DNAH11: variants seen among roughly 807,000 people sequenced by gnomAD.
DNAH11 encodes the protein dynein axonemal heavy chain 11, also known as axonemal beta dynein heavy chain 11.
A neutral mutation model predicts 526.0 loss-of-function variants in DNAH11; 442 were observed. The ratio of observed to expected loss-of-function variants is 0.84; its 90% CI spans 0.78 to 0.91. The LOEUF is 0.91. DNAH11 is among the 40% of genes least tolerant of loss of function. The pLI, the probability that DNAH11 is intolerant of heterozygous loss-of-function variation, is 0.00. For missense variants in DNAH11, 6,989 were observed against 5,448.7 expected, an observed-to-expected ratio of 1.28 and a Z score of -8.90; for synonymous variants, 2,461 against 1,935.9, an observed-to-expected ratio of 1.27 and a Z score of -7.12.
At chr7:21,553,059 G>C (rs1428026226) in intron 2 of DNAH11, among the ~76,000 whole-genome samples, 1 of 134,736 alleles carries the variant, frequency 7.4e-6, no homozygotes, top group Non-Finnish European at 1.5e-5. Context: ...TCTCCCTTCA[G>C]TATAAATGGG....
chr7:21,609,271 A>C (rs984372219), intron 20 of DNAH11, among the ~76,000 whole-genome samples: 1 of 151,970 alleles, frequency 6.6e-6, no homozygotes, highest in Non-Finnish European at 1.5e-5. Context: ...GCTGGAGTAC[A>C]GTGGCATGAT....
chr7:21,767,552 A>G (rs1441739817), intron 55 of DNAH11, among the ~76,000 whole-genome samples: 1 of 152,190 alleles, frequency 6.6e-6, no homozygotes, highest in African/African-American at 2.4e-5. Context: ...AACGCCTCCT[A>G]TAGGATGCTG....
rs1783444741 is a variant in DNAH11 at position 21,561,147 on chromosome 7, A to G, written c.959A>G (p.Asp320Gly). Residue 320 changes from aspartate to glycine, a missense_variant, in exon 5 of 82, where the codon GAC (aspartate) becomes GGC (glycine). By Grantham distance (94) the Asp-to-Gly change is moderately conservative. Transcript: ENST00000409508. ...AGCAGCTATTTTCCTACTCTGAAGGACATTTTTCTGGCTGTGGAAAATGGT... is the reference window on the plus strand; with the variant it reads ...AGCAGCTATTTTCCTACTCTGAAGGGCATTTTTCTGGCTGTGGAAAATGGT... Reference protein sequence around the residue: ...KQSSYFPTLKDIFLAVENALL... With the variant: ...KQSSYFPTLKGIFLAVENALL... 1.3e-6 allele frequency: 2 copies of G among 1,596,790 alleles called. No homozygotes were observed. The highest frequency in any genetic ancestry group is 2.7e-5 in the African/African-American group (2 of 74,674).
At chr7:21,657,851 T>C (rs1782082993) in intron 29 of DNAH11, among the ~76,000 whole-genome samples, 1 of 152,152 alleles carries the variant, frequency 6.6e-6, no homozygotes, top group Non-Finnish European at 1.5e-5. Context: ...GAGGAGGTTG[T>C]CCACTCATTA....
At chr7:21,777,088 A>G (rs1297391483) in intron 56 of DNAH11, among the ~76,000 whole-genome samples, 1 of 151,738 alleles carries the variant, frequency 6.6e-6, no homozygotes, top group Non-Finnish European at 1.5e-5. Flanking sequence ...GTTACCCCCC[A>G]CTTCTTCCCC....
chr7:21,640,322 G>A (rs1787066363), intron 28 of DNAH11, among the ~76,000 whole-genome samples: 1 of 152,118 alleles, frequency 6.6e-6, no homozygotes, highest in Admixed American at 6.5e-5. Context: ...AAGCCCCTGA[G>A]GGCATCCTCA....
intron 79 of DNAH11, 120 bp downstream of exon 79, chr7:21,895,119 A>G (rs1011262005): frequency 5.0e-6 from 4 of 801,276 alleles, no homozygotes; most frequent in Non-Finnish European, 7.8e-6. Context: ...TCAACCTGTA[A>G]CCGTAAAAAA....
chr7:21,562,272 T>G (rs1467052252), intron 5 of DNAH11, among the ~76,000 whole-genome samples: 1 of 152,192 alleles, frequency 6.6e-6, no homozygotes, highest in Non-Finnish European at 1.5e-5. Flanking sequence ...TCTCTGGCCT[T>G]TACCTGCTGG....
At chr7:21,628,056 A>G (rs1036732905) in intron 25 of DNAH11, among the ~76,000 whole-genome samples, 4 of 151,978 alleles carry the variant, frequency 2.6e-5, no homozygotes, top group African/African-American at 4.8e-5. Context: ...GCTATTGTAA[A>G]TGTGATTGCC....
At chr7:21,866,196 C>G (rs576049185) in intron 70 of DNAH11, among the ~76,000 whole-genome samples, 43 of 152,132 alleles carry the variant, frequency 2.8e-4, no homozygotes, top group African/African-American at 8.9e-4. Context: ...ACAGAAGTAC[C>G]CCCACCTCTC....
chr7:21,856,617 A>G (rs1782859718), intron 68 of DNAH11, among the ~76,000 whole-genome samples: 1 of 152,212 alleles, frequency 6.6e-6, no homozygotes, highest in African/African-American at 2.4e-5. Flanking sequence ...AACCATATAT[A>G]AAAAGCACAA....
chr7:21,779,795 T>C (rs989639387), intron 57 of DNAH11, among the ~76,000 whole-genome samples: 5 of 152,138 alleles, frequency 3.3e-5, no homozygotes, highest in African/African-American at 1.2e-4. Context: ...ACAGAAAAAT[T>C]TTAATACATA....
chr7:21,703,940 G>A (rs897456394), intron 37 of DNAH11, among the ~76,000 whole-genome samples: 6 of 151,736 alleles, frequency 4.0e-5, no homozygotes, highest in African/African-American at 1.5e-4. Flanking sequence ...ATTTTTGTTG[G>A]AATGCTTAAC....
intron 25 of DNAH11, among the ~76,000 whole-genome samples, chr7:21,623,816 G>A (rs1426793699): frequency 2.0e-5 from 3 of 151,468 alleles, no homozygotes; most frequent in South Asian, 2.1e-4. Flanking sequence ...GGACTGTTGT[G>A]GGGTGGGGGG....
At chr7:21,863,488 C>T (rs539369850) in intron 69 of DNAH11, among the ~76,000 whole-genome samples, 203 of 152,182 alleles carry the variant, frequency 1.3e-3, no homozygotes, top group African/African-American at 4.7e-3. Flanking sequence ...CCACCACACC[C>T]AGCTAATTTT....
chr7:21,846,306 G>A (rs1055351299), intron 66 of DNAH11, among the ~76,000 whole-genome samples: 1 of 152,074 alleles, frequency 6.6e-6, no homozygotes, highest in Non-Finnish European at 1.5e-5. Context: ...CCTGATCTTA[G>A]GGCAAAAGCA....
chr7:21,748,788 G>A, intron 52 of DNAH11, 46 bp downstream of exon 52: 1 of 1,565,160 alleles, frequency 6.4e-7, no homozygotes. Context: ...CTGCTTGGCA[G>A]ATAAAGCCGA....
At chr7:21,857,665 G>T (rs1782905016) in intron 68 of DNAH11, among the ~76,000 whole-genome samples, 2 of 152,132 alleles carry the variant, frequency 1.3e-5, no homozygotes, top group Non-Finnish European at 2.9e-5. Flanking sequence ...GAATCCCGAG[G>T]TACACCCACA....
chr7:21,852,346 G>T (rs1031899292), intron 66 of DNAH11, 121 bp from the exon 67 acceptor site: 3 of 968,502 alleles, frequency 3.1e-6, no homozygotes, highest in Non-Finnish European at 4.3e-6. Flanking sequence ...GGCACACGTC[G>T]CAGTGAGCCA....
Sources: gnomAD v4.1 joint callset for allele counts (sites outside exome capture counted in the v4.1 genomes callset) on GRCh38, gnomAD v4.1.1 for gene constraint, MANE v1.5 for transcripts, NCBI Gene and HGNC (gene_info 2026-07-23, HGNC 2026-07-21) for gene names.